LRRC4C: variants seen among roughly 807,000 people sequenced by gnomAD.
LRRC4C encodes leucine rich repeat containing 4C.
A neutral mutation model predicts 33.6 loss-of-function variants in LRRC4C; 5 were observed. That is an observed-to-expected ratio of 0.15 (90% CI 0.08 to 0.31). The LOEUF is 0.31. Among genes scored for constraint, LRRC4C ranks in the 10% least tolerant of loss-of-function variants. LRRC4C has a pLI of 1.00. For missense variants in LRRC4C, 560 were observed against 796.7 expected, an observed-to-expected ratio of 0.70 and a Z score of 3.58; for synonymous variants, 329 against 302.0, an observed-to-expected ratio of 1.09 and a Z score of -0.93.
chr11:40,649,555 C>A (rs1239806030), intron 2 of LRRC4C, among the ~76,000 whole-genome samples: 1 of 152,162 alleles, frequency 6.6e-6, no homozygotes, highest in African/African-American at 2.4e-5. Flanking sequence ...TTGAAACACA[C>A]ATGTTTTACA....
intron 1 of LRRC4C, among the ~76,000 whole-genome samples, chr11:41,240,165 A>G (rs996764601): frequency 7.9e-5 from 12 of 152,332 alleles, no homozygotes; most frequent in South Asian, 4.1e-4. Flanking sequence ...AAAAGGGAAA[A>G]TGGAAAACTT....
intron 3 of LRRC4C, among the ~76,000 whole-genome samples, chr11:40,366,900 G>T (rs911451940): frequency 2.0e-5 from 3 of 151,998 alleles, no homozygotes; most frequent in African/African-American, 7.2e-5. Flanking sequence ...GACTAACTGG[G>T]TTTTAACATC....
intron 4 of LRRC4C, among the ~76,000 whole-genome samples, chr11:40,258,214 G>A (rs1459082871): frequency 6.6e-6 from 1 of 152,066 alleles, no homozygotes; most frequent in Admixed American, 6.6e-5. Flanking sequence ...TGGTCTTCAC[G>A]TTTGGATTTG....
intron 3 of LRRC4C, among the ~76,000 whole-genome samples, chr11:40,388,010 A>T (rs1302390303): frequency 6.6e-6 from 1 of 152,128 alleles, no homozygotes; most frequent in African/African-American, 2.4e-5. Context: ...AGAAGCTCGT[A>T]AAAATATTTT....
intron 5 of LRRC4C, among the ~76,000 whole-genome samples, chr11:40,198,178 T>C (rs1330137018): frequency 2.0e-5 from 3 of 152,142 alleles, no homozygotes; most frequent in Non-Finnish European, 4.4e-5. Context: ...GACGGACAAG[T>C]GTTAAATGTT....
At chr11:40,634,394 TG>T (rs1963768058) in intron 3 of LRRC4C, among the ~76,000 whole-genome samples, 1 of 152,294 alleles carries the variant, frequency 6.6e-6, no homozygotes, top group East Asian at 1.9e-4. Context: ...GAAAGGAAGT[TG>T]GTTTTAGGGT....
chr11:40,514,654 A>G (rs1374312074), intron 3 of LRRC4C, among the ~76,000 whole-genome samples: 1 of 151,804 alleles, frequency 6.6e-6, no homozygotes, highest in Non-Finnish European at 1.5e-5. Context: ...TTTTCCTTCC[A>G]TCTATTGTCT....
intron 2 of LRRC4C, among the ~76,000 whole-genome samples, chr11:40,812,402 G>C (rs1188590021): frequency 3.3e-5 from 5 of 152,076 alleles, no homozygotes; most frequent in African/African-American, 1.2e-4. Flanking sequence ...ATAAATAACA[G>C]CAATGGTATT....
intron 1 of LRRC4C, among the ~76,000 whole-genome samples, chr11:41,144,856 T>TA (rs1474349606): frequency 2.6e-5 from 4 of 152,148 alleles, no homozygotes; most frequent in South Asian, 2.1e-4. Flanking sequence ...CTCTGATTTT[T>TA]AAAAAATGCA....
intron 2 of LRRC4C, among the ~76,000 whole-genome samples, chr11:40,657,492 A>C (rs961545168): frequency 7.2e-5 from 11 of 152,136 alleles, no homozygotes; most frequent in Non-Finnish European, 1.6e-4. Context: ...CTCCCATTCT[A>C]TTCAGTTATC....
chr11:40,995,858 T>C (rs1027477332), intron 1 of LRRC4C, among the ~76,000 whole-genome samples: 1 of 152,146 alleles, frequency 6.6e-6, no homozygotes. Context: ...CCAAATTCAT[T>C]TTTTAGTAAC....
chr11:41,290,684 T>TA (rs1488402264), intron 1 of LRRC4C, among the ~76,000 whole-genome samples: 1 of 152,098 alleles, frequency 6.6e-6, no homozygotes, highest in Non-Finnish European at 1.5e-5. Context: ...TAATGAGACT[T>TA]AAAAAACTCT....
intron 2 of LRRC4C, among the ~76,000 whole-genome samples, chr11:40,833,120 C>T (rs892042728): frequency 1.3e-5 from 2 of 152,112 alleles, no homozygotes; most frequent in Admixed American, 6.6e-5. Context: ...CTAATAGTTA[C>T]AAAGGCATAG....
chr11:41,268,038 C>G (rs1277672678), intron 1 of LRRC4C, among the ~76,000 whole-genome samples: 1 of 152,056 alleles, frequency 6.6e-6, no homozygotes, highest in Non-Finnish European at 1.5e-5. Context: ...ATTTCTTAAA[C>G]TTGTGCTATA....
chr11:40,563,782 A>G (rs1957647386), intron 3 of LRRC4C, among the ~76,000 whole-genome samples: 1 of 152,134 alleles, frequency 6.6e-6, no homozygotes, highest in South Asian at 2.1e-4. Flanking sequence ...TTACAGACTC[A>G]CCTGAACCAT....
chr11:41,025,222 A>C (rs980553031), intron 1 of LRRC4C, among the ~76,000 whole-genome samples: 2 of 151,724 alleles, frequency 1.3e-5, no homozygotes, highest in Non-Finnish European at 3.0e-5. Flanking sequence ...AAAAACTAGA[A>C]GTGATTAAAC....
rs575257685 is a variant in LRRC4C, at chr11:41,255,302, T to G, written c.-496+204129A>C. Among the ~76,000 whole-genome samples the G allele has an allele frequency of 3.3e-5, 5 of 152,152 alleles. No homozygotes were observed. The East Asian group carries it at 9.7e-4, about 29-fold the overall frequency. ...CTTTATCATCTAAAACGATCTGAGC[T>G]GGGTGGTGCTTAGAAGTAATTTTAA... On this transcript the variant is annotated intron_variant, in intron 1 of 6. Coordinates refer to ENST00000528697, the MANE Select transcript of LRRC4C (RefSeq NM_001258419.2).
intron 4 of LRRC4C, among the ~76,000 whole-genome samples, chr11:40,303,364 T>C (rs1944873880): frequency 6.6e-6 from 1 of 152,190 alleles, no homozygotes; most frequent in Non-Finnish European, 1.5e-5. Flanking sequence ...TAACTCTCAA[T>C]CAATATAATG....
chr11:40,771,506 C>T (rs7947680), intron 2 of LRRC4C, among the ~76,000 whole-genome samples: 89,887 of 152,014 alleles, frequency 0.59, 27,171 homozygotes, highest in Middle Eastern at 0.66. Context: ...GATTAACATT[C>T]GGCTCCTCAT....
Sources: gnomAD v4.1 joint callset for allele counts (sites outside exome capture counted in the v4.1 genomes callset) on GRCh38, gnomAD v4.1.1 for gene constraint, MANE v1.5 for transcripts, NCBI Gene and HGNC (gene_info 2026-07-23, HGNC 2026-07-21) for gene names.